Variants in SYT1 observed in about 807,000 individuals in gnomAD.
SYT1 encodes the protein synaptotagmin 1, also known as synaptotagmin-1.
A neutral mutation model predicts 44.8 loss-of-function variants in SYT1; 8 were observed. The observed-to-expected ratio is 0.18, with a 90% CI of 0.10 to 0.32. The LOEUF is 0.32. Ranked by LOEUF, SYT1 falls within the 10% of genes least tolerant of loss-of-function variation. SYT1 has a pLI of 1.00. For missense variants in SYT1, 286 were observed against 509.3 expected, an observed-to-expected ratio of 0.56 and a Z score of 4.22; for synonymous variants, 154 against 188.8, an observed-to-expected ratio of 0.82 and a Z score of 1.51.
At chr12:78,881,896 A>T (rs1355699799) in intron 1 of SYT1, among the ~76,000 whole-genome samples, 1 of 151,780 alleles carries the variant, frequency 6.6e-6, no homozygotes, top group East Asian at 1.9e-4. Flanking sequence ...CTCATCCCTC[A>T]GGCATCTGCT....
intron 3 of SYT1, among the ~76,000 whole-genome samples, chr12:79,105,503 A>T (rs1333863159): frequency 6.6e-6 from 1 of 152,220 alleles, no homozygotes; most frequent in Non-Finnish European, 1.5e-5. Flanking sequence ...TCCTTTAAGC[A>T]GGGAAGTGAT....
chr12:79,264,076 T>C (rs889200353), intron 4 of SYT1, among the ~76,000 whole-genome samples: 1 of 152,198 alleles, frequency 6.6e-6, no homozygotes, highest in Non-Finnish European at 1.5e-5. Context: ...GATTGGGCTA[T>C]GATTTTTTCC....
At chr12:79,320,613 C>T (rs1881307069) in intron 8 of SYT1, among the ~76,000 whole-genome samples, 1 of 150,670 alleles carries the variant, frequency 6.6e-6, no homozygotes, top group African/African-American at 2.4e-5. Flanking sequence ...TCAGCAGCAC[C>T]TCTCTCGGGT....
At chr12:79,246,970 G>T (rs995492492) in intron 4 of SYT1, among the ~76,000 whole-genome samples, 1 of 152,220 alleles carries the variant, frequency 6.6e-6, no homozygotes, top group East Asian at 1.9e-4. Context: ...GTTATTGGGG[G>T]TGTTAGATGG....
intron 3 of SYT1, among the ~76,000 whole-genome samples, chr12:79,180,585 A>T (rs1321687471): frequency 5.9e-5 from 9 of 152,044 alleles, no homozygotes; most frequent in Non-Finnish European, 1.3e-4. Context: ...CAGGAAACTT[A>T]TAATCATGGC....
In SYT1 at chr12:78,894,637, T is replaced by A. The variant is rs148644304; in HGVS notation, c.-217+29528T>A. 9.2e-4 allele frequency among the ~76,000 whole-genome samples: 140 copies of A among 151,678 alleles called. 1 individual carries two copies. The highest frequency in any genetic ancestry group is 3.1e-3 in the African/African-American group (128 of 41,464). On this transcript the variant is annotated intron_variant, in intron 1 of 10. Transcript: ENST00000261205. ...GGATGACAACTCATTATGAGCTAGTTCTTACAATTACGGCTATTTAAAGCC... is the reference window on the plus strand; with the variant it reads ...GGATGACAACTCATTATGAGCTAGTACTTACAATTACGGCTATTTAAAGCC...
At chr12:79,119,480 T>G (rs76779989) in intron 3 of SYT1, among the ~76,000 whole-genome samples, 1 of 117,372 alleles carries the variant, frequency 8.5e-6, no homozygotes, top group Non-Finnish European at 1.9e-5. Context: ...ACATAAGGTG[T>G]TTTTTTTTTA....
intron 3 of SYT1, among the ~76,000 whole-genome samples, chr12:79,083,586 A>G (rs1249996753): frequency 6.6e-6 from 1 of 152,204 alleles, no homozygotes; most frequent in Admixed American, 6.6e-5. Flanking sequence ...TAAAAATAAG[A>G]GTATTAAAGT....
In SYT1 at chr12:79,273,052, T is replaced by C. The variant is rs1043232642; in HGVS notation, c.167-12735T>C. ...AGTTTTTTACCCCCAAGATAGCGGA[T>C]TGGAGCCTTTGTTAGTGTGCCTCAG... On this transcript the variant is annotated intron_variant, in intron 4 of 10. Coordinates refer to ENST00000261205, the MANE Select transcript of SYT1 (RefSeq NM_005639.3). Among the ~76,000 whole-genome samples the C allele has an allele frequency of 5.3e-5, 8 of 152,134 alleles. 1 individual carries two copies. The highest frequency in any genetic ancestry group is 4.1e-4 in the South Asian group (2 of 4,822).
intron 3 of SYT1, among the ~76,000 whole-genome samples, chr12:79,124,795 C>A (rs913188483): frequency 6.6e-6 from 1 of 151,936 alleles, no homozygotes; most frequent in Non-Finnish European, 1.5e-5. Context: ...ACAATTGTAT[C>A]TCTACTCTTT....
At chr12:79,248,884 C>G (rs1877010499) in intron 4 of SYT1, among the ~76,000 whole-genome samples, 1 of 152,068 alleles carries the variant, frequency 6.6e-6, no homozygotes, top group Non-Finnish European at 1.5e-5. Flanking sequence ...AGAATATTGA[C>G]CCTTTAAAAA....
At chr12:79,264,663 T>C (rs1878026233) in intron 4 of SYT1, among the ~76,000 whole-genome samples, 1 of 152,216 alleles carries the variant, frequency 6.6e-6, no homozygotes, top group African/African-American at 2.4e-5. Flanking sequence ...TGCTGAAACA[T>C]TTACCTCAGG....
intron 4 of SYT1, among the ~76,000 whole-genome samples, chr12:79,258,774 C>A (rs150163722): frequency 0.011 from 1,673 of 152,174 alleles, 30 homozygotes; most frequent in African/African-American, 0.037. Context: ...CTTAGTAGTA[C>A]CCATACTTTT....
At chr12:78,885,303 A>G (rs1407364277) in intron 1 of SYT1, among the ~76,000 whole-genome samples, 7 of 89,984 alleles carry the variant, frequency 7.8e-5, no homozygotes, top group East Asian at 4.1e-4. Context: ...GAGAGAAGAA[A>G]GGAGAGAGGG....
At chr12:78,972,283 A>G (rs1422644886) in intron 1 of SYT1, among the ~76,000 whole-genome samples, 1 of 152,100 alleles carries the variant, frequency 6.6e-6, no homozygotes, top group Non-Finnish European at 1.5e-5. Context: ...TAGCTGATAT[A>G]TCATCTGTGA....
chr12:79,188,727 A>C (rs112620166), intron 3 of SYT1, among the ~76,000 whole-genome samples: 46 of 152,274 alleles, frequency 3.0e-4, no homozygotes, highest in African/African-American at 1.1e-3. Flanking sequence ...CATCACTCCA[A>C]AAAATAATTT....
intron 1 of SYT1, among the ~76,000 whole-genome samples, chr12:78,934,122 G>A (rs1222539137): frequency 6.6e-6 from 1 of 151,004 alleles, no homozygotes; most frequent in African/African-American, 2.4e-5. Context: ...ATATACATAT[G>A]TGTGTGTATA....
At chr12:79,179,025 TAG>T (rs1269514218) in intron 3 of SYT1, among the ~76,000 whole-genome samples, 168 of 11,848 alleles carry the variant, frequency 0.014, 26 homozygotes, top group Middle Eastern at 0.033. Flanking sequence ...GATATAGATA[TAG>T]ATATATAGAT....
chr12:78,959,638 T>C (rs994629551), intron 1 of SYT1, among the ~76,000 whole-genome samples: 6 of 152,194 alleles, frequency 3.9e-5, no homozygotes, highest in African/African-American at 1.4e-4. Context: ...AAGTCAAACA[T>C]AGAGGTTCTA....
Sources: gnomAD v4.1 joint callset for allele counts (sites outside exome capture counted in the v4.1 genomes callset) on GRCh38, gnomAD v4.1.1 for gene constraint, MANE v1.5 for transcripts, NCBI Gene and HGNC (gene_info 2026-07-23, HGNC 2026-07-21) for gene names.